HEATR1: variants seen among roughly 807,000 people sequenced by gnomAD.
HEATR1 encodes HEAT repeat-containing protein 1.
Under a neutral mutation model 248.2 loss-of-function variants are expected in HEATR1, and 77 were observed. The ratio of observed to expected loss-of-function variants is 0.31; its 90% confidence interval spans 0.26 to 0.37. The LOEUF (loss-of-function observed/expected upper bound fraction) is 0.37. HEATR1 is among the 10% of genes least tolerant of loss of function. The probability of loss-of-function intolerance (pLI) is 1.00; values close to 1 mark genes in which losing one functional copy is unlikely to be tolerated. For missense variants in HEATR1, 2,420 were observed against 2,504.9 expected (o/e 0.97, Z 0.72); for synonymous variants, 897 against 923.1 (o/e 0.97, Z 0.51).
intron 11 of HEATR1, 55 bp downstream of exon 11, chr1:236,591,938 C>T: frequency 2.8e-6 from 3 of 1,067,196 alleles, no homozygotes; most frequent in South Asian, 2.9e-5. Flanking sequence ...GAGCTCTTCA[C>T]ATACCCATAC....
At chr1:236,602,920 C>T in intron 3 of HEATR1, 1 of 425,956 alleles carries the variant, frequency 2.3e-6, no homozygotes, top group East Asian at 3.9e-5. Flanking sequence ...AAGACTCTAT[C>T]TCAAAAAAAA....
At position 236,591,880 on chromosome 1, in the gene HEATR1, T is replaced by A. The variant is rs774792440; in HGVS notation, c.1422+113A>T. The A allele has an allele frequency of 1.2e-4, 72 of 610,304 alleles. 1 individual carries two copies. Among genetic ancestry groups the A allele is most frequent in the Non-Finnish European group, 2.1e-4 (70 of 335,254 alleles). The allele number at this position is 610,304 out of a possible 1,614,324, so 37.8% of individuals were successfully genotyped here. A position where few individuals can be genotyped will look rare whatever the true frequency, so the allele number is the denominator to read the frequency against. ...ACTAGGCAAACTGTAGAAGGTTATCTCTGTAAAATTTTCCACACAAGGGAA... is the reference window on the plus strand; with the variant it reads ...ACTAGGCAAACTGTAGAAGGTTATCACTGTAAAATTTTCCACACAAGGGAA... On this transcript the variant is annotated intron_variant, in intron 11 of 44. Transcript: ENST00000366582.
At chr1:236,597,731 C>T (rs1025047345) in intron 5 of HEATR1, 147 bp downstream of exon 5, 3 of 500,536 alleles carry the variant, frequency 6.0e-6, no homozygotes, top group African/African-American at 5.9e-5. Flanking sequence ...GACTCTCAAA[C>T]TGCTCCTGCT....
chr1:236,577,301 G>A (rs1460029153), intron 20 of HEATR1, among the ~76,000 whole-genome samples: 2 of 151,402 alleles, frequency 1.3e-5, no homozygotes, highest in Non-Finnish European at 3.0e-5. Context: ...ACAGGTGCAC[G>A]CCACACGCCT....
intron 9 of HEATR1, 25 bp from the exon 10 acceptor site, chr1:236,592,658 C>T (rs1366147638): frequency 3.3e-6 from 3 of 920,876 alleles, no homozygotes; most frequent in Non-Finnish European, 5.2e-6. Flanking sequence ...ACAGAAATAT[C>T]AGCATACATA....
chr1:236,598,996 T>C lies in HEATR1; in HGVS notation c.501+487A>G, dbSNP rs1410288795. ...TTAGTCTGTAAATTAACTCCTAGCA[T>C]CTTCCTCACAACTTTAGTAAATTCT... On this transcript the variant is annotated intron_variant, in intron 4 of 44. Coordinates refer to ENST00000366582, the MANE Select transcript of HEATR1 (RefSeq NM_018072.6). Among the ~76,000 whole-genome samples, 7 of 152,378 alleles carry C rather than the reference T, an allele frequency of 4.6e-5. No homozygotes were observed. The East Asian group carries it at 1.2e-3, about 25-fold the overall frequency.
Position 236,582,726 on chromosome 1 carries a change from A to C in HEATR1, c.2562+10T>G, listed in dbSNP as rs975683156. On this transcript the variant is annotated intron_variant, in intron 19 of 44. Coordinates refer to ENST00000366582, the MANE Select transcript of HEATR1 (RefSeq NM_018072.6). ...GGGTAGAGTACGCCTGAAAAGGAGGAGGCTTGTACCTTTATGAAAAGTTTC... is the reference window on the plus strand; with the variant it reads ...GGGTAGAGTACGCCTGAAAAGGAGGCGGCTTGTACCTTTATGAAAAGTTTC... 7 of 1,613,458 alleles carry C rather than the reference A, an allele frequency of 4.3e-6. No homozygotes were observed. The highest frequency in any genetic ancestry group is 1.3e-5 in the African/African-American group (1 of 74,906).
At chr1:236,602,884 A>G (rs1264370237) in intron 3 of HEATR1, 2 of 297,416 alleles carry the variant, frequency 6.7e-6, no homozygotes, top group Non-Finnish European at 1.3e-5. Flanking sequence ...AGATTTCAAT[A>G]TTGCACTCCA....
At position 236,566,840 on chromosome 1, in the gene HEATR1, C is replaced by T. The variant is rs763890383; in HGVS notation, c.4114G>A (p.Val1372Ile). Residue 1372 changes from valine to isoleucine, a missense_variant, in exon 30 of 45, where the codon GTT becomes ATT. Transcript: ENST00000366582. ...SGDSIEVSRN[V>I]EEIVVKIISV... ...ATGATTTTTACCACAATCTCTTCAACGTTTCTTGAAACTTCTATAGAATCT... is the reference window on the plus strand; with the variant it reads ...ATGATTTTTACCACAATCTCTTCAATGTTTCTTGAAACTTCTATAGAATCT... 23 of 1,613,938 alleles carry T rather than the reference C, an allele frequency of 1.4e-5. No individual in the cohort carries two copies. The highest frequency in any genetic ancestry group is 2.2e-5 in the East Asian group (1 of 44,882).
chr1:236,601,859 C>G (rs1418925465), intron 3 of HEATR1, among the ~76,000 whole-genome samples: 1 of 149,362 alleles, frequency 6.7e-6, no homozygotes, highest in African/African-American at 2.5e-5. Flanking sequence ...CAGCCGTGTG[C>G]AGTGGCTGTG....
intron 36 of HEATR1, among the ~76,000 whole-genome samples, chr1:236,557,722 T>C (rs1177917247): frequency 1.3e-5 from 2 of 152,180 alleles, no homozygotes; most frequent in African/African-American, 4.8e-5. Context: ...AGTAAGGAAC[T>C]ACCACAGCCA....
chr1:236,582,376 G>A (rs1399518925), intron 19 of HEATR1, among the ~76,000 whole-genome samples: 1 of 151,364 alleles, frequency 6.6e-6, no homozygotes, highest in Non-Finnish European at 1.5e-5. Context: ...AAAGTGCTCG[G>A]ATTATAGGCG....
chr1:236,574,440 T>C (rs564717547), intron 23 of HEATR1, 107 bp from the exon 24 acceptor site: 15 of 1,380,236 alleles, frequency 1.1e-5, no homozygotes, highest in Non-Finnish European at 1.5e-5. Context: ...TCCCACTTAA[T>C]TTTGTCAGTT....
rs1480756594 is a variant in HEATR1, at chr1:236,585,081, C to CAA, written c.2184_2185insTT (p.Val729LeufsTer10). 6.2e-7 allele frequency: 1 copy of CAA among 1,613,960 alleles called. No individual in the cohort carries two copies. Among genetic ancestry groups the CAA allele is most frequent in the Non-Finnish European group, 8.5e-7 (1 of 1,179,896 alleles). ...ATTTTTTTCTGCAACAAACTGAAGA[C>CAA]TCTTATCGCAAATGGAAAGTGGGTT... On this transcript the variant is annotated frameshift_variant, in exon 17 of 45. Transcript: ENST00000366582. LOFTEE classifies it high-confidence loss of function.
intron 43 of HEATR1, 46 bp from the exon 44 acceptor site, chr1:236,552,153 A>G (rs1294042584): frequency 5.5e-6 from 7 of 1,272,166 alleles, no homozygotes; most frequent in Non-Finnish European, 8.0e-6. Context: ...GTGTTACTGT[A>G]TTTATTATCT....
Position 236,564,644 on chromosome 1 carries a change from C to A in HEATR1, c.4453G>T (p.Val1485Leu). 6.2e-7 allele frequency: 1 copy of A among 1,612,038 alleles called. No homozygotes were observed. The highest frequency in any genetic ancestry group is 8.5e-7 in the Non-Finnish European group (1 of 1,179,580). ...TGTGATTCACTCTTATTAAATGACA[C>A]TGCTTTGGGAATGGTTTCTGAAACA... ...EEKEETIPKAVSFNKSESQEE... is the reference protein window; with the variant it reads ...EEKEETIPKALSFNKSESQEE... The change falls in exon 32 of 45, where the codon GTG (valine) becomes TTG (leucine). Residue 1485 changes from valine (V) to leucine (L), a missense_variant. Physicochemically the swap from Val to Leu is conservative, Grantham distance 32. Coordinates refer to ENST00000366582, the MANE Select transcript of HEATR1 (RefSeq NM_018072.6).
intron 14 of HEATR1, 77 bp downstream of exon 14, chr1:236,587,325 A>AG (rs1572049000): frequency 1.5e-6 from 1 of 660,080 alleles, no homozygotes; most frequent in African/African-American, 1.9e-5. Context: ...TTAAAAAAAA[A>AG]AAGAAGAAGA....
rs1171326370 is a variant in HEATR1, at chr1:236,568,610, C to G, written c.4077+386G>C. 2.6e-5 allele frequency among the ~76,000 whole-genome samples: 4 copies of G among 152,114 alleles called. No homozygotes were observed. In the East Asian group the frequency reaches 7.7e-4, roughly 29 times the overall value. On this transcript the variant is annotated intron_variant, in intron 29 of 44. Transcript: ENST00000366582. ...CATGTTAACAAATTTGTCACTGTAG[C>G]TCTAAAAGTTCCTAGCCTCATCAAC...
At chr1:236,573,645 T>C (rs1663489264) in intron 24 of HEATR1, among the ~76,000 whole-genome samples, 1 of 152,050 alleles carries the variant, frequency 6.6e-6, no homozygotes, top group East Asian at 1.9e-4. Flanking sequence ...TACTTTAAAA[T>C]ATTTCAGCAA....
Sources: allele counts gnomAD v4.1 joint callset (sites outside exome capture counted in the v4.1 genomes callset), GRCh38; gene constraint gnomAD v4.1.1; transcripts MANE v1.5; gene names NCBI Gene and HGNC (gene_info 2026-07-23, HGNC 2026-07-21).